The following PTPRD variants were observed in gnomAD, a reference collection of about 807,000 sequenced individuals.
The protein encoded by PTPRD is receptor-type tyrosine-protein phosphatase delta.
A neutral mutation model predicts 214.5 loss-of-function variants in PTPRD; 34 were observed. The ratio of observed to expected loss-of-function variants is 0.16; its 90% CI spans 0.12 to 0.21. The LOEUF (loss-of-function observed/expected upper bound fraction) is 0.21, where lower values mean the gene tolerates loss of function less well. Ranked by LOEUF, PTPRD falls within the 10% of genes least tolerant of loss-of-function variation. The pLI is 1.00. For missense variants in PTPRD, 2,545 were observed against 2,398.7 expected (o/e 1.06, Z -1.27); for synonymous variants, 1,128 against 845.7 (o/e 1.33, Z -5.79).
chr9:10,537,356 G>C (rs1215230731), intron 2 of PTPRD, among the ~76,000 whole-genome samples: 1 of 152,168 alleles, frequency 6.6e-6, no homozygotes, highest in African/African-American at 2.4e-5. Context: ...AACACATTCT[G>C]TTTTGTTTCC....
intron 12 of PTPRD, among the ~76,000 whole-genome samples, chr9:8,637,223 G>A (rs893888167): frequency 2.0e-5 from 3 of 152,144 alleles, no homozygotes; most frequent in African/African-American, 7.2e-5. Context: ...TTGCTTTGAT[G>A]CCACTATCAG....
Position 9,307,185 on chromosome 9 carries a change from G to A in PTPRD, c.-203+90264C>T, listed in dbSNP as rs184761246. 3.3e-3 allele frequency among the ~76,000 whole-genome samples: 501 copies of A among 152,294 alleles called. 3 individuals carry two copies. Among genetic ancestry groups the A allele is most frequent in the Non-Finnish European group, 6.0e-3 (407 of 68,024 alleles). On this transcript the variant is annotated intron_variant, in intron 9 of 45. Coordinates refer to ENST00000381196, the MANE Select transcript of PTPRD (RefSeq NM_002839.4). ...CAGCTATGATTGCAAACACATGGCA[G>A]TTAGCTGAAAATTGTTTGGATGGAG...
chr9:8,528,307 G>A (rs2074748477), intron 15 of PTPRD: 1 of 473,202 alleles, frequency 2.1e-6, no homozygotes, highest in Admixed American at 3.8e-5. Context: ...ATCAAATACT[G>A]CGAAAAAGCA....
intron 9 of PTPRD, among the ~76,000 whole-genome samples, chr9:9,382,296 T>C (rs753554093): frequency 3.9e-5 from 6 of 152,154 alleles, no homozygotes; most frequent in Non-Finnish European, 7.4e-5. Flanking sequence ...CTTCTTGACA[T>C]TGGTTTTGGC....
intron 3 of PTPRD, among the ~76,000 whole-genome samples, chr9:10,340,231 C>A (rs1176494993): frequency 6.6e-6 from 1 of 151,852 alleles, no homozygotes; most frequent in Admixed American, 6.6e-5. Context: ...TGTTTTTCCC[C>A]ATGTTTACAA....
At chr9:9,293,113 T>A (rs1951755096) in intron 9 of PTPRD, among the ~76,000 whole-genome samples, 1 of 151,388 alleles carries the variant, frequency 6.6e-6, no homozygotes, top group Non-Finnish European at 1.5e-5. Flanking sequence ...AAGTGGAGAG[T>A]TATGCTTTAC....
At chr9:9,694,175 G>A (rs546546331) in intron 7 of PTPRD, among the ~76,000 whole-genome samples, 1 of 152,176 alleles carries the variant, frequency 6.6e-6, no homozygotes, top group East Asian at 1.9e-4. Flanking sequence ...TTTGTGCCTG[G>A]GCATTGAAGA....
intron 43 of PTPRD, 71 bp downstream of exon 43, chr9:8,338,851 G>C (rs1849563684): frequency 7.8e-7 from 1 of 1,275,334 alleles, no homozygotes; most frequent in Non-Finnish European, 1.0e-6. Flanking sequence ...TTCTCCCAGA[G>C]AGAGAGAGAG....
At chr9:8,440,801 C>G (rs10977108) in intron 34 of PTPRD, among the ~76,000 whole-genome samples, 1 of 152,126 alleles carries the variant, frequency 6.6e-6, no homozygotes, top group African/African-American at 2.4e-5. Context: ...GTCACGGTGA[C>G]TTCCTTATAA....
intron 9 of PTPRD, among the ~76,000 whole-genome samples, chr9:9,213,281 T>C (rs1340134190): frequency 6.6e-6 from 1 of 152,080 alleles, no homozygotes; most frequent in Non-Finnish European, 1.5e-5. Context: ...TTAGAAGAGT[T>C]GGGAGTGTTG....
chr9:8,479,567 C>G (rs1245771551), intron 30 of PTPRD, among the ~76,000 whole-genome samples: 1 of 151,990 alleles, frequency 6.6e-6, no homozygotes, highest in South Asian at 2.1e-4. Flanking sequence ...TAAAAACTGA[C>G]AAAGGTAGAA....
intron 9 of PTPRD, among the ~76,000 whole-genome samples, chr9:9,385,921 C>T (rs1156280160): frequency 6.6e-6 from 1 of 152,074 alleles, no homozygotes; most frequent in Non-Finnish European, 1.5e-5. Context: ...TATGCTGTAT[C>T]ATAAAACAAG....
chr9:9,136,087 T>C (rs2099850390), intron 10 of PTPRD, among the ~76,000 whole-genome samples: 2 of 152,180 alleles, frequency 1.3e-5, no homozygotes, highest in African/African-American at 2.4e-5. Flanking sequence ...TATCTCAACC[T>C]CATAACATAC....
intron 43 of PTPRD, among the ~76,000 whole-genome samples, chr9:8,335,734 T>C (rs1214827453): frequency 6.6e-6 from 1 of 152,126 alleles, no homozygotes; most frequent in Non-Finnish European, 1.5e-5. Flanking sequence ...GATTGTATAT[T>C]TAGAAGACCC....
chr9:9,696,668 C>A (rs925816959), intron 7 of PTPRD, among the ~76,000 whole-genome samples: 3 of 152,052 alleles, frequency 2.0e-5, no homozygotes, highest in African/African-American at 7.2e-5. Context: ...TATTCCCTTT[C>A]TTCAACTTAT....
intron 2 of PTPRD, among the ~76,000 whole-genome samples, chr9:10,413,812 A>G (rs957059222): frequency 1.3e-5 from 2 of 151,976 alleles, no homozygotes; most frequent in African/African-American, 2.4e-5. Context: ...CTGTTCACCT[A>G]TGACCATCTG....
intron 2 of PTPRD, among the ~76,000 whole-genome samples, chr9:10,595,341 T>C (rs73642022): frequency 0.064 from 9,720 of 151,894 alleles, 445 homozygotes; most frequent in African/African-American, 0.13. Context: ...TTACAACTAA[T>C]TGAATAGCTT....
intron 8 of PTPRD, among the ~76,000 whole-genome samples, chr9:9,509,029 C>G (rs1029345188): frequency 1.3e-5 from 2 of 150,808 alleles, no homozygotes; most frequent in Non-Finnish European, 3.0e-5. Flanking sequence ...GTTGTAAAAC[C>G]TTTCCAAGAA....
intron 3 of PTPRD, among the ~76,000 whole-genome samples, chr9:10,335,379 T>G: frequency 6.6e-6 from 1 of 151,668 alleles, no homozygotes; most frequent in South Asian, 2.1e-4. Flanking sequence ...CAAATAGACA[T>G]TACTATGCAA....
Sources: gnomAD v4.1 joint callset for allele counts (sites outside exome capture counted in the v4.1 genomes callset) on GRCh38, gnomAD v4.1.1 for gene constraint, MANE v1.5 for transcripts, NCBI Gene and HGNC (gene_info 2026-07-23, HGNC 2026-07-21) for gene names.